Variants in LRP1B observed in about 807,000 individuals in gnomAD.
LRP1B encodes low-density lipoprotein receptor-related protein 1B.
LRP1B carries 217 observed loss-of-function variants against 556.6 expected under a neutral mutation model. The ratio of observed to expected loss-of-function variants is 0.39; its 90% CI spans 0.35 to 0.44. LRP1B has a LOEUF of 0.44. LRP1B is among the 20% of genes least tolerant of loss of function. The pLI, the probability that LRP1B is intolerant of heterozygous loss-of-function variation, is 1.00. For synonymous variants in LRP1B, 2,047 were observed against 1,865.8 expected (o/e 1.10, Z -2.50); for missense variants, 5,053 against 5,620.8 (o/e 0.90, Z 3.23).
At position 142,130,629 on chromosome 2, in the gene LRP1B, G is replaced by C. The variant is rs770070773; in HGVS notation, c.82+19C>G. 3.1e-6 allele frequency: 5 copies of C among 1,595,674 alleles called. No homozygotes were observed. In the African/African-American group the frequency reaches 6.7e-5, roughly 21 times the overall value. ...GCCAAGGAAGTCAGGGGAGGGGAGC[G>C]GGGAGGTGTTCTCCTTACCTCGGTC... On this transcript the variant is annotated intron_variant, in intron 1 of 90. Transcript: ENST00000389484.
intron 79 of LRP1B, among the ~76,000 whole-genome samples, chr2:140,332,488 C>T (rs2105079304): frequency 6.6e-6 from 1 of 152,180 alleles, no homozygotes; most frequent in Non-Finnish European, 1.5e-5. Flanking sequence ...CTTTACTAAA[C>T]AGGAGTATCC....
intron 32 of LRP1B, among the ~76,000 whole-genome samples, chr2:140,784,013 T>A (rs991589513): frequency 6.6e-6 from 1 of 152,178 alleles, no homozygotes; most frequent in African/African-American, 2.4e-5. Context: ...TTATGAAAAG[T>A]TCTCAGGTGA....
intron 2 of LRP1B, among the ~76,000 whole-genome samples, chr2:141,605,879 T>A (rs1349366571): frequency 6.6e-6 from 1 of 152,184 alleles, no homozygotes; most frequent in African/African-American, 2.4e-5. Flanking sequence ...CTTTCTCTCC[T>A]TTAAGCCATT....
chr2:140,653,954 G>A (rs1214961039), intron 41 of LRP1B, among the ~76,000 whole-genome samples: 1 of 149,658 alleles, frequency 6.7e-6, no homozygotes, highest in Non-Finnish European at 1.5e-5. Context: ...GAACCTGGGA[G>A]GTGGAGGTTG....
chr2:141,479,858 T>C (rs1382507335), intron 3 of LRP1B, among the ~76,000 whole-genome samples: 1 of 152,172 alleles, frequency 6.6e-6, no homozygotes, highest in Non-Finnish European at 1.5e-5. Context: ...CTAGGTAATA[T>C]TGTACCATTG....
intron 2 of LRP1B, among the ~76,000 whole-genome samples, chr2:141,553,623 A>T (rs2105233720): frequency 6.8e-6 from 1 of 147,424 alleles, no homozygotes; most frequent in African/African-American, 2.5e-5. Flanking sequence ...TATCTTTAAA[A>T]ACAATTGTGT....
At chr2:141,876,365 G>A (rs1358837078) in intron 1 of LRP1B, among the ~76,000 whole-genome samples, 2 of 151,932 alleles carry the variant, frequency 1.3e-5, no homozygotes, top group Admixed American at 1.3e-4. Flanking sequence ...AATAAAAACA[G>A]TAAATAAGAC....
chr2:142,058,442 C>T (rs1203140052), intron 1 of LRP1B, among the ~76,000 whole-genome samples: 3 of 152,128 alleles, frequency 2.0e-5, no homozygotes, highest in Admixed American at 6.6e-5. Context: ...AATACTTTAG[C>T]GCAAGCTTGT....
intron 1 of LRP1B, among the ~76,000 whole-genome samples, chr2:141,957,481 T>C (rs1701289252): frequency 1.3e-5 from 2 of 151,782 alleles, no homozygotes; most frequent in East Asian, 2.0e-4. Flanking sequence ...TTGTCTTGCC[T>C]TGTCGGGAGA....
chr2:141,698,471 A>C (rs916458647), intron 2 of LRP1B, among the ~76,000 whole-genome samples: 1 of 146,780 alleles, frequency 6.8e-6, no homozygotes, highest in African/African-American at 2.6e-5. Context: ...AGATCCAGAC[A>C]TTGCAAAATC....
At chr2:141,170,665 T>G (rs1296102014) in intron 7 of LRP1B, among the ~76,000 whole-genome samples, 1 of 152,108 alleles carries the variant, frequency 6.6e-6, no homozygotes, top group Non-Finnish European at 1.5e-5. Context: ...TTTTAAGGTA[T>G]GCATTCAGGG....
intron 66 of LRP1B, among the ~76,000 whole-genome samples, chr2:140,390,901 G>C (rs552284994): frequency 9.0e-4 from 137 of 151,452 alleles, no homozygotes; most frequent in Middle Eastern, 3.4e-3. Flanking sequence ...ATATCTACTG[G>C]AATTACTCAA....
At chr2:141,603,503 G>A (rs747927212) in intron 2 of LRP1B, among the ~76,000 whole-genome samples, 1 of 152,090 alleles carries the variant, frequency 6.6e-6, no homozygotes. Flanking sequence ...ACAGATAATA[G>A]GGAATTTTTC....
intron 2 of LRP1B, among the ~76,000 whole-genome samples, chr2:141,703,357 GGTGTT>G (rs1446448284): frequency 6.6e-6 from 1 of 151,764 alleles, no homozygotes; most frequent in Non-Finnish European, 1.5e-5. Flanking sequence ...TCCTCTCCAG[GGTGTT>G]AAATTAAAAG....
chr2:141,544,755 T>A (rs1419149953), intron 2 of LRP1B, among the ~76,000 whole-genome samples: 1 of 151,876 alleles, frequency 6.6e-6, no homozygotes, highest in Admixed American at 6.6e-5. Context: ...AGTTTTGACC[T>A]CCTGGGCTCA....
intron 3 of LRP1B, among the ~76,000 whole-genome samples, chr2:141,404,399 T>C (rs1200687698): frequency 6.6e-6 from 1 of 152,070 alleles, no homozygotes; most frequent in Non-Finnish European, 1.5e-5. Context: ...ATAACAATCT[T>C]AAAAAAGAAA....
chr2:140,602,008 G>T (rs1205139649), intron 41 of LRP1B, among the ~76,000 whole-genome samples: 1 of 151,962 alleles, frequency 6.6e-6, no homozygotes, highest in Non-Finnish European at 1.5e-5. Context: ...TCAGCAATAC[G>T]ACTTAGATAC....
At chr2:141,390,114 G>A (rs1459580627) in intron 3 of LRP1B, among the ~76,000 whole-genome samples, 1 of 152,058 alleles carries the variant, frequency 6.6e-6, no homozygotes, top group Non-Finnish European at 1.5e-5. Flanking sequence ...CTCCAGCCTG[G>A]GGAACAAGAG....
At chr2:141,378,325 A>G (rs558821506) in intron 3 of LRP1B, among the ~76,000 whole-genome samples, 2 of 152,308 alleles carry the variant, frequency 1.3e-5, no homozygotes, top group East Asian at 3.9e-4. Context: ...AAATATACTA[A>G]AAGAGGTAAA....
Sources: allele counts gnomAD v4.1 joint callset (sites outside exome capture counted in the v4.1 genomes callset), GRCh38; gene constraint gnomAD v4.1.1; transcripts MANE v1.5; gene names NCBI Gene and HGNC (gene_info 2026-07-23, HGNC 2026-07-21).